Variants in LAMP3 observed in about 807,000 individuals in gnomAD.
LAMP3 encodes lysosome associated membrane protein 3, also known as lysosome-associated membrane glycoprotein 3.
A neutral mutation model predicts 34.8 loss-of-function variants in LAMP3; 26 were observed. The observed-to-expected ratio is 0.75, with a 90% CI of 0.55 to 1.04. LAMP3 has a LOEUF of 1.04. Ranked by LOEUF, LAMP3 falls within the 50% of genes least tolerant of loss-of-function variation. LAMP3 has a pLI of 0.00. For missense variants in LAMP3, 495 were observed against 524.0 expected (o/e 0.94, Z 0.54); for synonymous variants, 180 against 201.9 (o/e 0.89, Z 0.92).
chr3:183,143,896 ATCC>A, intron 3 of LAMP3, among the ~76,000 whole-genome samples: 1 of 152,316 alleles, frequency 6.6e-6, no homozygotes, highest in East Asian at 1.9e-4. Context: ...GAACCTTAAC[ATCC>A]TCCTTAGCAA....
intron 3 of LAMP3, among the ~76,000 whole-genome samples, chr3:183,149,574 A>AAAATATATATATATATATAT (rs1720561533): frequency 3.1e-5 from 1 of 32,634 alleles, no homozygotes. Context: ...AAAAAAAAAA[A>AAAATATATATATATATATAT]ATATATATAT....
intron 1 of LAMP3, among the ~76,000 whole-genome samples, chr3:183,158,980 C>G (rs1195931145): frequency 1.3e-5 from 2 of 151,936 alleles, no homozygotes; most frequent in Non-Finnish European, 2.9e-5. Flanking sequence ...CTCACTGTAG[C>G]CTCAGCTTCC....
At chr3:183,152,571 A>G in intron 2 of LAMP3, 68 bp from the exon 3 acceptor site, 1 of 1,444,476 alleles carries the variant, frequency 6.9e-7, no homozygotes, top group South Asian at 1.3e-5. Flanking sequence ...AACCAGATGC[A>G]CAGGCTAGTT....
intron 5 of LAMP3, 97 bp from the exon 6 acceptor site, chr3:183,124,311 C>T: frequency 1.8e-6 from 2 of 1,131,616 alleles, no homozygotes; most frequent in Non-Finnish European, 2.4e-6. Flanking sequence ...TGGCATCAAA[C>T]AAAGCTTGAC....
At chr3:183,137,149 C>T (rs1220083194) in intron 4 of LAMP3, among the ~76,000 whole-genome samples, 1 of 151,640 alleles carries the variant, frequency 6.6e-6, no homozygotes, top group Non-Finnish European at 1.5e-5. Flanking sequence ...GAAACCCTGC[C>T]TCTACTAAAA....
rs955215916 is a variant in LAMP3 at position 183,135,717 on chromosome 3, C to A, written c.1117G>T (p.Val373Leu). ...FDFEDDHFGN[V>L]DECSSDYTIV... is the part of the protein sequence containing the mutation. ...GCAACCTGATCGACCCTTAACTTAC[C>A]ATTTCCAAAGTGGTCATCTTCAAAA... Residue 373 changes from valine to leucine, a missense_variant and splice_region_variant, in exon 5 of 6, where the codon GTG becomes TTG. By Grantham distance (32) the Val-to-Leu change is conservative. Transcript: ENST00000265598. 1.7e-5 allele frequency: 28 copies of A among 1,613,896 alleles called. No homozygotes were observed. Among genetic ancestry groups the A allele is most frequent in the Non-Finnish European group, 2.3e-5 (27 of 1,179,942 alleles).
At chr3:183,137,154 C>T (rs12488681) in intron 4 of LAMP3, among the ~76,000 whole-genome samples, 5,329 of 151,558 alleles carry the variant, frequency 0.035, 148 homozygotes, top group Admixed American at 0.088. Context: ...CCTGCCTCTA[C>T]TAAAAATACA....
chr3:183,154,485 A>G (rs1051222287), intron 1 of LAMP3, 94 bp from the exon 2 acceptor site: 63 of 945,174 alleles, frequency 6.7e-5, no homozygotes, highest in Non-Finnish European at 9.8e-5. Flanking sequence ...TCATAAAAAA[A>G]CCTAACATGC....
In LAMP3 at chr3:183,150,565, C is replaced by CTTTTTT. The variant is rs10665288; in HGVS notation, c.888+1804_888+1809dup. Among the ~76,000 whole-genome samples the CTTTTTT allele has an allele frequency of 3.9e-4, 34 of 86,096 alleles. 5 individuals carry two copies. The highest frequency in any genetic ancestry group is 1.0e-3 in the South Asian group (2 of 1,972). The allele number at this position is 86,096 out of a possible 152,430, so 56.5% of individuals were successfully genotyped here. A position where few individuals can be genotyped will look rare whatever the true frequency, so the allele number is the denominator to read the frequency against. ...ATCTTCTGCTATTTTGCCAAAGTGA[C>CTTTTTT]TTTTTTTTTTTTTTTTTTTTTTGGA... On this transcript the variant is annotated intron_variant, in intron 3 of 5. Transcript: ENST00000265598.
At chr3:183,162,832 C>A, upstream of LAMP3, 1 of 598,216 alleles carries the variant, frequency 1.7e-6, no homozygotes, top group South Asian at 2.2e-5. Flanking sequence ...CCTCCTACCC[C>A]TACGGAGCAG....
intron 1 of LAMP3, among the ~76,000 whole-genome samples, chr3:183,161,608 C>G (rs13077633): frequency 6.6e-6 from 1 of 151,816 alleles, no homozygotes; most frequent in Admixed American, 6.6e-5. Context: ...AGGCTAGTCT[C>G]GAACTCCTGA....
At chr3:183,140,479 G>T in intron 4 of LAMP3, 59 bp downstream of exon 4, 2 of 853,052 alleles carry the variant, frequency 2.3e-6, no homozygotes, top group South Asian at 1.4e-5. Context: ...GATGAAAGGT[G>T]AGCTAACCAA....
chr3:183,156,577 A>G lies in LAMP3; in HGVS notation c.50-2186T>C, dbSNP rs181920856. On this transcript the variant is annotated intron_variant, in intron 1 of 5. Coordinates refer to ENST00000265598, the MANE Select transcript of LAMP3 (RefSeq NM_014398.4). ...GTCCTAAAGTTCATACCCAGTAAAA[A>G]TAATTCATATATGCCTTTTCTATCT... is the stretch of plus-strand genomic sequence containing the variant. Among the ~76,000 whole-genome samples, 5 of 152,304 alleles carry G rather than the reference A, an allele frequency of 3.3e-5. No individual in the cohort carries two copies. In the South Asian group the frequency reaches 6.2e-4, roughly 19 times the overall value.
At chr3:183,136,807 G>A (rs1404691107) in intron 4 of LAMP3, among the ~76,000 whole-genome samples, 1 of 152,026 alleles carries the variant, frequency 6.6e-6, no homozygotes, top group Non-Finnish European at 1.5e-5. Context: ...GGTACACCCT[G>A]TTCAAGGAAG....
intron 5 of LAMP3, 96 bp from the exon 6 acceptor site, chr3:183,124,310 A>G (rs1000837057): frequency 1.4e-5 from 16 of 1,122,024 alleles, no homozygotes; most frequent in Non-Finnish European, 1.8e-5. Context: ...TTGGCATCAA[A>G]CAAAGCTTGA....
Position 183,149,679 on chromosome 3 carries a change from C to A in LAMP3, c.888+2696G>T, listed in dbSNP as rs1182522187. On this transcript the variant is annotated intron_variant, in intron 3 of 5. Transcript: ENST00000265598. ...GATAGCACAATAGAGTGACTGAAGT[C>A]AAAAATAATTTATTGTACATTTTAA... Among the ~76,000 whole-genome samples, 6 of 142,466 alleles carry A rather than the reference C, an allele frequency of 4.2e-5. No homozygotes were observed. The South Asian group carries it at 6.6e-4, about 16-fold the overall frequency. The allele number at this position is 142,466 out of a possible 152,430, so 93.5% of individuals were successfully genotyped here.
At chr3:183,133,975 T>C (rs1010687682) in intron 5 of LAMP3, among the ~76,000 whole-genome samples, 2 of 152,192 alleles carry the variant, frequency 1.3e-5, no homozygotes, top group Non-Finnish European at 2.9e-5. Flanking sequence ...CAGTCACAAC[T>C]TCCTCTGGGC....
chr3:183,144,627 C>G (rs1237689992), intron 3 of LAMP3, among the ~76,000 whole-genome samples: 2 of 152,166 alleles, frequency 1.3e-5, no homozygotes, highest in African/African-American at 2.4e-5. Context: ...GGTGTCAACA[C>G]TTGAACACTG....
intron 3 of LAMP3, among the ~76,000 whole-genome samples, chr3:183,151,424 CTTTTT>C (rs1303908629): frequency 7.7e-6 from 1 of 130,038 alleles, no homozygotes. Context: ...GGGGCATGCT[CTTTTT>C]TTTTTTTTTT....
Sources: gnomAD v4.1 joint callset for allele counts (sites outside exome capture counted in the v4.1 genomes callset) on GRCh38, gnomAD v4.1.1 for gene constraint, MANE v1.5 for transcripts, NCBI Gene and HGNC (gene_info 2026-07-23, HGNC 2026-07-21) for gene names.